The following R3HDM2 variants were observed in gnomAD, a reference collection of about 807,000 sequenced individuals.
The protein encoded by R3HDM2 is R3H domain containing 2, also known as R3H domain-containing protein 2.
Under a neutral mutation model 124.5 loss-of-function variants are expected in R3HDM2, and 38 were observed. The ratio of observed to expected loss-of-function variants is 0.31; its 90% CI spans 0.24 to 0.40. The LOEUF (loss-of-function observed/expected upper bound fraction) is 0.40. R3HDM2 is among the 10% of genes least tolerant of loss of function. R3HDM2 has a pLI of 1.00. For synonymous variants in R3HDM2, 391 were observed against 448.0 expected (o/e 0.87, Z 1.61); for missense variants, 869 against 1,236.9 (o/e 0.70, Z 4.46).
intron 9 of R3HDM2, 75 bp from the exon 10 acceptor site, chr12:57,295,582 A>C: frequency 1.0e-6 from 1 of 992,982 alleles, no homozygotes; most frequent in South Asian, 1.4e-5. Context: ...TATTAGGTAC[A>C]GCTCTCCTAA....
intron 1 of R3HDM2, among the ~76,000 whole-genome samples, chr12:57,415,938 T>C (rs1351792375): frequency 6.6e-6 from 1 of 152,196 alleles, no homozygotes; most frequent in African/African-American, 2.4e-5. Context: ...ATGCAACACA[T>C]GTTCCTTGAA....
At chr12:57,269,270 C>G in intron 16 of R3HDM2, 53 bp downstream of exon 16, 2 of 1,601,172 alleles carry the variant, frequency 1.2e-6, no homozygotes, top group Non-Finnish European at 1.7e-6. Context: ...TCTTTCTTTC[C>G]TGGTGTGCCC....
rs1303923718 is a variant in R3HDM2 at position 57,364,214 on chromosome 12, C to G, written c.-36+31535G>C. Among the ~76,000 whole-genome samples, 5 of 137,774 alleles carry G rather than the reference C, an allele frequency of 3.6e-5. No homozygotes were observed. In the Admixed American group the frequency reaches 4.0e-4, roughly 11 times the overall value. The allele number at this position is 137,774 out of a possible 152,430, so 90.4% of individuals were successfully genotyped here. On this transcript the variant is annotated intron_variant, in intron 2 of 23. Coordinates refer to ENST00000402412, the MANE Select transcript of R3HDM2 (RefSeq NM_001394031.1). Reference sequence around the variant, plus strand: ...CCAGGTTGGAGTGCAGTGGTGCGATCTCAGTCAACTGCAACCTTCACCTCC... The same window carrying G: ...CCAGGTTGGAGTGCAGTGGTGCGATGTCAGTCAACTGCAACCTTCACCTCC...
In R3HDM2 at chr12:57,296,949, AAT is replaced by A; in HGVS notation, c.560+377_560+378del. ...CATGTGCCTGTCATCCCAGCTACTC[AAT>A]GGCTGAGGCACAAGAATCACTTGAA... On this transcript the variant is annotated intron_variant, in intron 8 of 23. Coordinates refer to ENST00000402412, the MANE Select transcript of R3HDM2 (RefSeq NM_001394031.1). This position sits in a 1 kb window ranked among gnomAD's most constrained non-coding sequence, Gnocchi z 4.5. 1.8e-5 allele frequency: 4 copies of A among 218,518 alleles called. No individual in the cohort carries two copies. Among genetic ancestry groups the A allele is most frequent in the Non-Finnish European group, 2.7e-5 (3 of 110,096 alleles). The allele number at this position is 218,518 out of a possible 1,614,324, so 13.5% of individuals were successfully genotyped here. A position where few individuals can be genotyped will look rare whatever the true frequency, so the allele number is the denominator to read the frequency against.
At chr12:57,412,870 G>A (rs2069135072) in intron 1 of R3HDM2, among the ~76,000 whole-genome samples, 1 of 151,940 alleles carries the variant, frequency 6.6e-6, no homozygotes, top group African/African-American at 2.4e-5. Context: ...GCCAGGCACG[G>A]GCCGGGTGCA....
intron 2 of R3HDM2, among the ~76,000 whole-genome samples, chr12:57,340,912 A>G (rs1211151539): frequency 1.3e-5 from 2 of 151,982 alleles, no homozygotes; most frequent in Non-Finnish European, 2.9e-5. Flanking sequence ...AAAAAAAAAA[A>G]TGGGTTGGGC....
chr12:57,401,133 G>T (rs1403506967), intron 1 of R3HDM2, among the ~76,000 whole-genome samples: 1 of 151,760 alleles, frequency 6.6e-6, no homozygotes, highest in African/African-American at 2.4e-5. Context: ...TGTTTAACAT[G>T]GCCACAGTTA....
At chr12:57,415,053 C>T (rs770704301) in intron 1 of R3HDM2, among the ~76,000 whole-genome samples, 1 of 152,030 alleles carries the variant, frequency 6.6e-6, no homozygotes, top group Non-Finnish European at 1.5e-5. Context: ...CTTGAAGGAG[C>T]TCCCTCAAGC....
chr12:57,387,957 AC>A, intron 2 of R3HDM2, among the ~76,000 whole-genome samples: 1 of 46,636 alleles, frequency 2.1e-5, no homozygotes, highest in South Asian at 1.0e-3. Context: ...CTCAAGACAG[AC>A]AAAAAAAATT....
chr12:57,309,933 C>T (rs1381283657), intron 3 of R3HDM2, among the ~76,000 whole-genome samples: 2 of 152,110 alleles, frequency 1.3e-5, no homozygotes, highest in Non-Finnish European at 2.9e-5. Context: ...GAATGTTGGC[C>T]GGGCACAGTG....
intron 2 of R3HDM2, among the ~76,000 whole-genome samples, chr12:57,386,474 G>C (rs902236155): frequency 6.6e-6 from 1 of 152,248 alleles, no homozygotes; most frequent in African/African-American, 2.4e-5. Context: ...TGCTGTGCTC[G>C]ACTTCTTGCC....
chr12:57,322,042 ATATGG>A (rs1295546058), intron 2 of R3HDM2, among the ~76,000 whole-genome samples: 1 of 152,226 alleles, frequency 6.6e-6, no homozygotes, highest in Non-Finnish European at 1.5e-5. Context: ...AGCCTGGCCA[ATATGG>A]TGAACCCCAT....
At chr12:57,409,678 T>C (rs903177770) in intron 1 of R3HDM2, among the ~76,000 whole-genome samples, 5 of 151,008 alleles carry the variant, frequency 3.3e-5, no homozygotes, top group Admixed American at 2.7e-4. Flanking sequence ...AGATGACATA[T>C]AGCCCCTTTA....
chr12:57,392,003 A>T (rs2066757460), intron 2 of R3HDM2, among the ~76,000 whole-genome samples: 1 of 152,046 alleles, frequency 6.6e-6, no homozygotes, highest in Admixed American at 6.6e-5. Flanking sequence ...CTCTACTAAA[A>T]ATACAAAAAA....
chr12:57,375,549 G>A (rs981801158), intron 2 of R3HDM2, among the ~76,000 whole-genome samples: 7 of 151,996 alleles, frequency 4.6e-5, no homozygotes, highest in Admixed American at 6.6e-5. Flanking sequence ...AAGAAGCAGC[G>A]TTTTTTCAAT....
intron 14 of R3HDM2, among the ~76,000 whole-genome samples, chr12:57,279,097 T>G (rs2045533332): frequency 6.6e-6 from 1 of 151,380 alleles, no homozygotes; most frequent in Non-Finnish European, 1.5e-5. Flanking sequence ...AGTATGGGGC[T>G]CTCCTCAAAA....
intron 12 of R3HDM2, among the ~76,000 whole-genome samples, chr12:57,288,513 A>G (rs2047908077): frequency 6.6e-6 from 1 of 152,070 alleles, no homozygotes; most frequent in Admixed American, 6.6e-5. Flanking sequence ...GGTTAGCCAG[A>G]AGACACCCAT....
rs977874486 is a variant in R3HDM2, at chr12:57,254,003, C to A, written c.*770G>T. On this transcript the variant is annotated 3_prime_UTR_variant, in exon 24 of 24. Transcript: ENST00000402412. The stretch of plus-strand genomic sequence containing the variant: ...TTTAACTCTGTGGGGTCTAGGAAGA[C>A]AAGATGGGGAAGTGAGAGAATGGGG... The A allele has an allele frequency of 1.8e-5, 7 of 393,264 alleles. No individual in the cohort carries two copies. Among genetic ancestry groups the A allele is most frequent in the Non-Finnish European group, 3.4e-5 (7 of 205,058 alleles). 24.4% of individuals were successfully genotyped at this position (393,264 alleles called of 1,614,324 possible).
intron 2 of R3HDM2, among the ~76,000 whole-genome samples, chr12:57,327,219 C>T (rs2057421195): frequency 6.6e-6 from 1 of 152,102 alleles, no homozygotes; most frequent in Admixed American, 6.5e-5. Context: ...GTAATCCCAG[C>T]ACTTTGGGAG....
Sources: allele counts gnomAD v4.1 joint callset (sites outside exome capture counted in the v4.1 genomes callset), GRCh38; gene constraint gnomAD v4.1.1; non-coding constraint Gnocchi (gnomAD v3.1); transcripts MANE v1.5; gene names NCBI Gene and HGNC (gene_info 2026-07-23, HGNC 2026-07-21).